PREX1: variants seen among roughly 807,000 people sequenced by gnomAD.
PREX1 encodes the protein phosphatidylinositol-3,4,5-trisphosphate dependent Rac exchange factor 1, also known as phosphatidylinositol 3,4,5-trisphosphate-dependent Rac exchanger 1 protein.
In PREX1, 41 loss-of-function variants were observed where a neutral mutation model predicts 198.3. The observed-to-expected ratio is 0.21, with a 90% CI of 0.16 to 0.27. The LOEUF is 0.27. PREX1 is among the 10% of genes least tolerant of loss of function. The probability of loss-of-function intolerance (pLI) is 1.00; values close to 1 mark genes in which losing one functional copy is unlikely to be tolerated. For missense variants in PREX1, 1,620 were observed against 2,200.7 expected (o/e 0.74, Z 5.28); for synonymous variants, 843 against 887.2 (o/e 0.95, Z 0.89).
chr20:48,827,600 G>T lies in PREX1; in HGVS notation c.219+42C>A. ...TGTGGGGACCGCAGCGGGGCGAGCG[G>T]CTGGAGGGAAAGCTGTCCCCAAGCT... On this transcript the variant is annotated intron_variant, in intron 1 of 39. Coordinates refer to ENST00000371941, the MANE Select transcript of PREX1 (RefSeq NM_020820.4). This position sits in a 1 kb window ranked among gnomAD's most constrained non-coding sequence, Gnocchi z 4.1. 8.2e-7 allele frequency: 1 copy of T among 1,213,020 alleles called. No homozygotes were observed. Among genetic ancestry groups the T allele is most frequent in the Non-Finnish European group, 1.0e-6 (1 of 957,796 alleles). The allele number at this position is 1,213,020 out of a possible 1,614,324, so 75.1% of individuals were successfully genotyped here.
chr20:48,644,753 A>C lies in PREX1; in HGVS notation c.3513-256T>G, dbSNP rs532980819. Among the ~76,000 whole-genome samples the C allele has an allele frequency of 3.9e-5, 6 of 152,334 alleles. No homozygotes were observed. In the East Asian group the frequency reaches 9.6e-4, roughly 24 times the overall value. ...ACACAGAAATAGGAGGAAGACGGTG[A>C]ATCATTTTCACGCAGGTGTCACTCT... On this transcript the variant is annotated intron_variant, in intron 26 of 39. Coordinates refer to ENST00000371941, the MANE Select transcript of PREX1 (RefSeq NM_020820.4).
chr20:48,752,896 C>G (rs1467822322), intron 1 of PREX1, among the ~76,000 whole-genome samples: 3 of 152,194 alleles, frequency 2.0e-5, no homozygotes, highest in Admixed American at 1.3e-4. Context: ...ATGCTGCAGA[C>G]ACTTGTTTCA....
intron 5 of PREX1, among the ~76,000 whole-genome samples, chr20:48,724,499 C>G (rs2090001161): frequency 6.6e-6 from 1 of 152,220 alleles, no homozygotes; most frequent in South Asian, 2.1e-4. Flanking sequence ...ACGGCTGACT[C>G]TCATCCAGGG....
the PREX1 span, among the ~76,000 whole-genome samples, chr20:48,853,491 C>A: frequency 2.6e-5 from 4 of 152,190 alleles, no homozygotes; most frequent in South Asian, 2.1e-4. Flanking sequence ...CTCATTATCA[C>A]GAGATAGCAT....
chr20:48,827,501 C>T lies in PREX1; in HGVS notation c.219+141G>A. On this transcript the variant is annotated intron_variant, in intron 1 of 39. Coordinates refer to ENST00000371941, the MANE Select transcript of PREX1 (RefSeq NM_020820.4). The surrounding 1 kb of genome is among the most constrained non-coding windows in gnomAD (Gnocchi z 4.1). Reference sequence around the variant, plus strand: ...GCGACAGCTCTGGAGGAGCTCGGATCCCCCCCGCTTTCCGCGCGCCCTGCG... The same window carrying T: ...GCGACAGCTCTGGAGGAGCTCGGATTCCCCCCGCTTTCCGCGCGCCCTGCG... 2 of 543,490 alleles carry T rather than the reference C, an allele frequency of 3.7e-6. No homozygotes were observed. The highest frequency in any genetic ancestry group is 9.2e-5 in the South Asian group (1 of 10,896). The allele number at this position is 543,490 out of a possible 1,614,324, so 33.7% of individuals were successfully genotyped here.
At chr20:48,697,229 C>A (rs2089851461) in intron 7 of PREX1, among the ~76,000 whole-genome samples, 1 of 152,134 alleles carries the variant, frequency 6.6e-6, no homozygotes, top group African/African-American at 2.4e-5. Flanking sequence ...ACATGTGTAC[C>A]TTTACATGTT....
intron 1 of PREX1, among the ~76,000 whole-genome samples, chr20:48,770,653 T>C (rs1270946348): frequency 6.6e-6 from 1 of 152,054 alleles, no homozygotes; most frequent in Non-Finnish European, 1.5e-5. Flanking sequence ...GAGGTTGCAG[T>C]GAGCCAAGAT....
chr20:48,859,795 A>G, the PREX1 span, among the ~76,000 whole-genome samples: 3 of 152,218 alleles, frequency 2.0e-5, no homozygotes. Context: ...AGGTGGACAG[A>G]CCACCTGAGG....
At chr20:48,722,902 A>C (rs2089992377) in intron 5 of PREX1, among the ~76,000 whole-genome samples, 1 of 152,272 alleles carries the variant, frequency 6.6e-6, no homozygotes, top group African/African-American at 2.4e-5. Flanking sequence ...AGATGTGTGC[A>C]TCACCAGGAA....
chr20:48,827,624 C>A lies in PREX1; in HGVS notation c.219+18G>T. 1.6e-6 allele frequency: 2 copies of A among 1,279,096 alleles called. No individual in the cohort carries two copies. The highest frequency in any genetic ancestry group is 1.5e-5 in the African/African-American group (1 of 65,218). The allele number at this position is 1,279,096 out of a possible 1,614,324, so 79.2% of individuals were successfully genotyped here. ...GGCTGGAGGGAAAGCTGTCCCCAAG[C>A]TCCCGAGCGACACTCACCGACTGCA... is the stretch of plus-strand genomic sequence containing the variant. On this transcript the variant is annotated intron_variant, in intron 1 of 39. Coordinates refer to ENST00000371941, the MANE Select transcript of PREX1 (RefSeq NM_020820.4). This position sits in a 1 kb window ranked among gnomAD's most constrained non-coding sequence, Gnocchi z 4.1.
chr20:48,876,687 C>A, the PREX1 span, among the ~76,000 whole-genome samples: 1 of 152,150 alleles, frequency 6.6e-6, no homozygotes, highest in African/African-American at 2.4e-5. Context: ...CCTAAATATT[C>A]TTGGGAAGAT....
At chr20:48,626,056 A>G in intron 39 of PREX1, 129 bp from the exon 40 acceptor site, 1 of 1,033,326 alleles carries the variant, frequency 9.7e-7, no homozygotes. Context: ...TAAAAGATGC[A>G]GAGAAAAATA....
chr20:48,700,899 T>G lies in PREX1; in HGVS notation c.784-13A>C. On this transcript the variant is annotated splice_polypyrimidine_tract_variant and intron_variant, in intron 6 of 39. Coordinates refer to ENST00000371941, the MANE Select transcript of PREX1 (RefSeq NM_020820.4). ...TGAGGTTGGAACCCTGGAAGCGCAA[T>G]GAGGACACAGTGAATGAGCCAACCC... is the stretch of plus-strand genomic sequence containing the variant. The G allele has an allele frequency of 6.2e-7, 1 of 1,614,070 alleles. No individual in the cohort carries two copies. The highest frequency in any genetic ancestry group is 8.5e-7 in the Non-Finnish European group (1 of 1,179,972).
chr20:48,790,801 G>A (rs2090335595), intron 1 of PREX1, among the ~76,000 whole-genome samples: 1 of 152,088 alleles, frequency 6.6e-6, no homozygotes, highest in African/African-American at 2.4e-5. Flanking sequence ...CACAAGCTGT[G>A]GGTTGCACCC....
intron 1 of PREX1, among the ~76,000 whole-genome samples, chr20:48,788,080 T>C (rs540854917): frequency 2.0e-5 from 3 of 152,276 alleles, no homozygotes; most frequent in African/African-American, 7.2e-5. Flanking sequence ...CATGAGAGAA[T>C]GTGTGCAAAC....
chr20:48,844,313 C>A, the PREX1 span, among the ~76,000 whole-genome samples: 1 of 152,186 alleles, frequency 6.6e-6, no homozygotes, highest in Non-Finnish European at 1.5e-5. Flanking sequence ...TCTCTGGCAG[C>A]AGATATGTGC....
At chr20:48,859,064 T>G in the PREX1 span, among the ~76,000 whole-genome samples, 1 of 151,900 alleles carries the variant, frequency 6.6e-6, no homozygotes, top group African/African-American at 2.4e-5. Flanking sequence ...CCCAGCTCAT[T>G]ATTTTTTTAA....
Position 48,691,540 on chromosome 20 carries a change from T to C in PREX1, c.1037-444A>G, listed in dbSNP as rs1420404565. ...GGAAAACCTCTCAAACAGATTGGCA[T>C]GATCTAGGGAAGCGAAAGCCTGAAT... On this transcript the variant is annotated intron_variant, in intron 8 of 39. Coordinates refer to ENST00000371941, the MANE Select transcript of PREX1 (RefSeq NM_020820.4). The surrounding 1 kb of genome is among the most constrained non-coding windows in gnomAD (Gnocchi z 5.0). Among the ~76,000 whole-genome samples the C allele has an allele frequency of 6.6e-6, 1 of 152,134 alleles. No homozygotes were observed. Among genetic ancestry groups the C allele is most frequent in the African/African-American group, 2.4e-5 (1 of 41,426 alleles).
chr20:48,629,740 C>T (rs1367600860), intron 36 of PREX1, 119 bp from the exon 37 acceptor site: 18 of 1,058,740 alleles, frequency 1.7e-5, no homozygotes, highest in Non-Finnish European at 2.4e-5. Flanking sequence ...GCAGCTGCCT[C>T]CCAGCTCACC....
Sources: allele counts gnomAD v4.1 joint callset (sites outside exome capture counted in the v4.1 genomes callset), GRCh38; gene constraint gnomAD v4.1.1; non-coding constraint Gnocchi (gnomAD v3.1); transcripts MANE v1.5; gene names NCBI Gene and HGNC (gene_info 2026-07-23, HGNC 2026-07-21).